The following NRG3 variants were observed in gnomAD, a reference collection of about 807,000 sequenced individuals.
NRG3 encodes the protein pro-neuregulin-3, membrane-bound isoform.
NRG3 carries 31 observed loss-of-function variants against 66.9 expected under a neutral mutation model. The observed-to-expected ratio is 0.46, with a 90% CI of 0.35 to 0.63. The LOEUF (loss-of-function observed/expected upper bound fraction) is 0.63, where lower values mean the gene tolerates loss of function less well. Among genes scored for constraint, NRG3 ranks in the 20% least tolerant of loss-of-function variants. NRG3 has a pLI of 0.00. For synonymous variants in NRG3, 393 were observed against 359.4 expected, an observed-to-expected ratio of 1.09 and a Z score of -1.06; for missense variants, 910 against 878.9, an observed-to-expected ratio of 1.04 and a Z score of -0.45.
intron 1 of NRG3, among the ~76,000 whole-genome samples, chr10:82,121,210 C>T (rs1354173598): frequency 6.6e-6 from 1 of 152,110 alleles, no homozygotes; most frequent in Non-Finnish European, 1.5e-5. Flanking sequence ...CTTCCTCTTA[C>T]ACCCTCTTGC....
intron 3 of NRG3, among the ~76,000 whole-genome samples, chr10:82,739,599 A>G (rs2058322879): frequency 6.6e-6 from 1 of 152,196 alleles, no homozygotes; most frequent in Non-Finnish European, 1.5e-5. Flanking sequence ...CAAAATGCAT[A>G]TTTTCATTTC....
intron 1 of NRG3, among the ~76,000 whole-genome samples, chr10:82,123,529 C>G (rs1197995951): frequency 6.6e-6 from 1 of 152,102 alleles, no homozygotes; most frequent in East Asian, 1.9e-4. Context: ...TGACGGATAA[C>G]CCTGCTGAGG....
chr10:82,556,964 C>T (rs2044692307), intron 2 of NRG3, among the ~76,000 whole-genome samples: 1 of 152,188 alleles, frequency 6.6e-6, no homozygotes. Flanking sequence ...CCACAAAACA[C>T]ATGATCTCTT....
At chr10:82,182,377 G>A (rs191962227) in intron 1 of NRG3, among the ~76,000 whole-genome samples, 78 of 151,574 alleles carry the variant, frequency 5.1e-4, no homozygotes, top group Admixed American at 5.1e-3. Context: ...ATAGTGACAT[G>A]CATTGTTTTC....
In NRG3 at chr10:82,383,724, T is replaced by G. The variant is rs183318332; in HGVS notation, c.953+24856T>G. On this transcript the variant is annotated intron_variant, in intron 2 of 8. Coordinates refer to ENST00000372141, the MANE Select transcript of NRG3 (RefSeq NM_001010848.4). The stretch of plus-strand genomic sequence containing the variant: ...ATGTTACAGTAATCTGACATTGTGA[T>G]CTGTAAGCATAGAGACTGCATTTAT... 7.4e-4 allele frequency among the ~76,000 whole-genome samples: 112 copies of G among 152,148 alleles called. 2 individuals carry two copies. The highest frequency in any genetic ancestry group is 1.4e-3 in the Admixed American group (22 of 15,274).
At chr10:82,785,652 T>G (rs2060328318) in intron 3 of NRG3, among the ~76,000 whole-genome samples, 1 of 152,192 alleles carries the variant, frequency 6.6e-6, no homozygotes, top group Admixed American at 6.5e-5. Context: ...AACTAGGACA[T>G]CTGTCAGAAG....
At chr10:82,519,756 G>T (rs1404494850) in intron 2 of NRG3, among the ~76,000 whole-genome samples, 1 of 152,138 alleles carries the variant, frequency 6.6e-6, no homozygotes, top group Non-Finnish European at 1.5e-5. Flanking sequence ...GGGCATGCTG[G>T]AGTGTCAGGT....
chr10:82,965,122 A>C (rs1851085183), intron 6 of NRG3, among the ~76,000 whole-genome samples: 4 of 152,176 alleles, frequency 2.6e-5, no homozygotes, highest in South Asian at 2.1e-4. Context: ...ACAACAACAA[A>C]AAACACTTGA....
chr10:82,556,331 T>C (rs1030485591), intron 2 of NRG3, among the ~76,000 whole-genome samples: 2 of 152,124 alleles, frequency 1.3e-5, no homozygotes, highest in African/African-American at 4.8e-5. Context: ...GGTGAAGATG[T>C]TTCTGGCAGT....
chr10:82,158,538 G>T (rs181354805), intron 1 of NRG3, among the ~76,000 whole-genome samples: 4 of 151,886 alleles, frequency 2.6e-5, no homozygotes, highest in Non-Finnish European at 5.9e-5. Context: ...TTTCATGGAA[G>T]TGTGTCTGCG....
At chr10:82,771,835 T>C (rs2059723300) in intron 3 of NRG3, among the ~76,000 whole-genome samples, 1 of 152,158 alleles carries the variant, frequency 6.6e-6, no homozygotes, top group African/African-American at 2.4e-5. Flanking sequence ...CAATTCTGTT[T>C]CCTTTGACAT....
At chr10:82,481,959 G>C (rs924444671) in intron 2 of NRG3, among the ~76,000 whole-genome samples, 1 of 152,094 alleles carries the variant, frequency 6.6e-6, no homozygotes, top group African/African-American at 2.4e-5. Flanking sequence ...TGCACTTCAG[G>C]CTGGGCAGTA....
chr10:82,840,943 C>G (rs1486501552), intron 3 of NRG3, among the ~76,000 whole-genome samples: 2 of 151,948 alleles, frequency 1.3e-5, no homozygotes, highest in Non-Finnish European at 2.9e-5. Context: ...AGCCCTAGTA[C>G]CTGTATCGTA....
intron 2 of NRG3, among the ~76,000 whole-genome samples, chr10:82,736,515 C>G (rs543807569): frequency 7.8e-4 from 119 of 152,334 alleles, no homozygotes; most frequent in African/African-American, 2.7e-3. Flanking sequence ...GCTTCCTAGC[C>G]TGGGCTAGGC....
chr10:82,963,204 C>T (rs1222062092), intron 6 of NRG3, among the ~76,000 whole-genome samples: 4 of 152,058 alleles, frequency 2.6e-5, no homozygotes, highest in Admixed American at 1.3e-4. Context: ...TAAAGGAAAA[C>T]AAACAAAGGA....
At chr10:82,459,404 AGT>A (rs2091415226) in intron 2 of NRG3, among the ~76,000 whole-genome samples, 2 of 152,180 alleles carry the variant, frequency 1.3e-5, no homozygotes, top group Admixed American at 1.3e-4. Context: ...AGCAAGTGCA[AGT>A]ATATGTATTC....
intron 1 of NRG3, chr10:81,877,916 G>A: frequency 2.0e-6 from 3 of 1,537,004 alleles, no homozygotes; most frequent in Non-Finnish European, 2.6e-6. Flanking sequence ...CTACCCTGAA[G>A]ACCCCAGATT....
At chr10:81,908,595 C>T (rs79234173) in intron 1 of NRG3, among the ~76,000 whole-genome samples, 1,639 of 152,212 alleles carry the variant, frequency 0.011, 31 homozygotes, top group African/African-American at 0.037. Flanking sequence ...CATATGATTA[C>T]GGGGTTCAAA....
intron 2 of NRG3, among the ~76,000 whole-genome samples, chr10:82,664,146 A>G (rs2052579448): frequency 6.6e-6 from 1 of 152,214 alleles, no homozygotes; most frequent in South Asian, 2.1e-4. Context: ...TTGTATGTCC[A>G]TAATATATAT....
Sources: gnomAD v4.1 joint callset for allele counts (sites outside exome capture counted in the v4.1 genomes callset) on GRCh38, gnomAD v4.1.1 for gene constraint, MANE v1.5 for transcripts, NCBI Gene and HGNC (gene_info 2026-07-23, HGNC 2026-07-21) for gene names.